The following TEX9 variants were observed in gnomAD, a reference collection of about 807,000 sequenced individuals.
TEX9 encodes the protein testis-expressed protein 9.
A neutral mutation model predicts 59.6 loss-of-function variants in TEX9; 74 were observed. That is an observed-to-expected ratio of 1.24 (90% confidence interval 1.03 to 1.51). The LOEUF (loss-of-function observed/expected upper bound fraction) is 1.51. Among genes scored for constraint, TEX9 ranks in the 40% most tolerant of loss-of-function variants. TEX9 has a pLI of 0.00. For synonymous variants in TEX9, 186 were observed against 152.2 expected, an observed-to-expected ratio of 1.22 and a Z score of -1.64; for missense variants, 522 against 447.8, an observed-to-expected ratio of 1.17 and a Z score of -1.49.
chr15:56,369,563 G>A (rs1400299556), intron 2 of TEX9, among the ~76,000 whole-genome samples: 1 of 151,926 alleles, frequency 6.6e-6, no homozygotes, highest in African/African-American at 2.4e-5. Context: ...TTTAACTCCT[G>A]GTCTCAAATG....
chr15:56,391,126 A>C (rs1227143902), intron 6 of TEX9, 117 bp from the exon 7 acceptor site: 1 of 526,126 alleles, frequency 1.9e-6, no homozygotes, highest in East Asian at 3.6e-5. Flanking sequence ...CATAAATTTA[A>C]ATTTATAATA....
intron 1 of TEX9, among the ~76,000 whole-genome samples, chr15:56,310,925 G>T (rs563071176): frequency 6.6e-6 from 1 of 152,056 alleles, no homozygotes; most frequent in Admixed American, 6.6e-5. Context: ...CTCTCCTTCC[G>T]ATTGCAGAGA....
At chr15:56,365,521 G>A (rs745692033) in intron 1 of TEX9, 44 bp downstream of exon 1, 7 of 1,614,180 alleles carry the variant, frequency 4.3e-6, no homozygotes, top group Non-Finnish European at 5.9e-6. Flanking sequence ...GGGTTCCGGC[G>A]ACTAGGACGC....
intron 10 of TEX9, among the ~76,000 whole-genome samples, 197 bp downstream of exon 10, chr15:56,412,633 G>A (rs1331107089): frequency 6.6e-6 from 1 of 152,110 alleles, no homozygotes; most frequent in East Asian, 1.9e-4. Context: ...CCATTATTGG[G>A]TGATGGCACA....
At chr15:56,428,379 G>A in exon 12 of TEX9, 1 of 1,611,270 alleles carries the variant, frequency 6.2e-7, no homozygotes, top group African/African-American at 1.3e-5. Context: ...GCATATTGAA[G>A]CTGCCAAGAT....
At chr15:56,361,908 A>T (rs2046796760), upstream of TEX9, among the ~76,000 whole-genome samples, 1 of 146,548 alleles carries the variant, frequency 6.8e-6, no homozygotes, top group Admixed American at 6.6e-5. Context: ...AGCAAAACAT[A>T]GTCCTGGTGA....
At chr15:56,319,514 A>G (rs1252124157) in intron 1 of TEX9, among the ~76,000 whole-genome samples, 4 of 152,258 alleles carry the variant, frequency 2.6e-5, no homozygotes, top group Middle Eastern at 3.4e-3. Flanking sequence ...CATAATAAAA[A>G]GGTACCCTTT....
chr15:56,278,955 A>G (rs1243945430), intron 1 of TEX9, among the ~76,000 whole-genome samples: 2 of 152,292 alleles, frequency 1.3e-5, no homozygotes, highest in African/African-American at 2.4e-5. Flanking sequence ...CTGGAATATT[A>G]TCTAGTCCTT....
intron 12 of TEX9, among the ~76,000 whole-genome samples, chr15:56,433,198 A>T (rs1269986248): frequency 2.8e-5 from 4 of 143,048 alleles, no homozygotes; most frequent in African/African-American, 7.6e-5. Context: ...CACCCATTAA[A>T]GATGGAAGTG....
At chr15:56,349,635 A>G (rs2141869274) in intron 1 of TEX9, among the ~76,000 whole-genome samples, 1 of 152,164 alleles carries the variant, frequency 6.6e-6, no homozygotes, top group East Asian at 1.9e-4. Context: ...CTTTCATAAA[A>G]TGCCTGTTCT....
At chr15:56,365,310 G>C (rs868184355), upstream of TEX9, 17 of 1,147,800 alleles carry the variant, frequency 1.5e-5, no homozygotes, top group Non-Finnish European at 1.4e-5. Flanking sequence ...GGCCGAGCCC[G>C]CTGCCAGAGG....
At chr15:56,262,985 G>A (rs2044300895) in intron 1 of TEX9, among the ~76,000 whole-genome samples, 1 of 152,078 alleles carries the variant, frequency 6.6e-6, no homozygotes, top group Non-Finnish European at 1.5e-5. Flanking sequence ...CTCAGTCTCT[G>A]TACTTACATT....
intron 1 of TEX9, among the ~76,000 whole-genome samples, chr15:56,258,480 G>A (rs1034975024): frequency 6.6e-6 from 1 of 152,020 alleles, no homozygotes; most frequent in African/African-American, 2.4e-5. Flanking sequence ...GTGATTTGTA[G>A]TTATCCTGAA....
At chr15:56,453,350 T>C in the TEX9 span, among the ~76,000 whole-genome samples, 3 of 152,190 alleles carry the variant, frequency 2.0e-5, no homozygotes, top group Non-Finnish European at 4.4e-5. Context: ...TTCCCTTTAA[T>C]GCAGGATTAT....
At chr15:56,365,113 T>C (rs368299896), upstream of TEX9, among the ~76,000 whole-genome samples, 106 of 152,324 alleles carry the variant, frequency 7.0e-4, 1 homozygote, top group South Asian at 0.022. Flanking sequence ...CACTAACGGT[T>C]TGAAAAGCAC....
intron 3 of TEX9, among the ~76,000 whole-genome samples, chr15:56,378,317 G>A (rs1203468102): frequency 1.3e-5 from 2 of 152,014 alleles, no homozygotes; most frequent in Admixed American, 6.6e-5. Context: ...TTAAATGTTC[G>A]ATAGAATTCG....
chr15:56,427,838 G>T (rs146575314), intron 11 of TEX9, 99 bp downstream of exon 11: 1 of 894,024 alleles, frequency 1.1e-6, no homozygotes, highest in African/African-American at 1.8e-5. Flanking sequence ...ACATCTTTAC[G>T]CACTGAACTT....
At chr15:56,284,386 G>A (rs573146551) in intron 1 of TEX9, among the ~76,000 whole-genome samples, 10 of 152,086 alleles carry the variant, frequency 6.6e-5, no homozygotes, top group Non-Finnish European at 1.3e-4. Flanking sequence ...TTCAAAGGGT[G>A]TGCAGCAGTA....
chr15:56,301,355 G>T (rs1313462917), intron 1 of TEX9, among the ~76,000 whole-genome samples: 1 of 151,950 alleles, frequency 6.6e-6, no homozygotes, highest in African/African-American at 2.4e-5. Flanking sequence ...GCTCAAAAGG[G>T]CAAATATAAG....
Sources: allele counts gnomAD v4.1 joint callset (sites outside exome capture counted in the v4.1 genomes callset), GRCh38; gene constraint gnomAD v4.1.1; transcripts MANE v1.5; gene names NCBI Gene and HGNC (gene_info 2026-07-23, HGNC 2026-07-21).